Variants in ZCCHC7 observed in about 807,000 individuals in gnomAD.
ZCCHC7 encodes the protein zinc finger CCHC-type containing 7.
Under a neutral mutation model 52.0 loss-of-function variants are expected in ZCCHC7, and 35 were observed. The observed-to-expected ratio is 0.67, with a 90% CI of 0.51 to 0.89. The LOEUF (loss-of-function observed/expected upper bound fraction) is 0.89. Ranked by LOEUF, ZCCHC7 falls within the 40% of genes least tolerant of loss-of-function variation. ZCCHC7 has a pLI of 0.00. For missense variants in ZCCHC7, 574 were observed against 649.1 expected (o/e 0.88, Z 1.26); for synonymous variants, 217 against 221.5 (o/e 0.98, Z 0.18).
chr9:37,341,011 C>A (rs1325853393), intron 6 of ZCCHC7, among the ~76,000 whole-genome samples: 3 of 152,136 alleles, frequency 2.0e-5, no homozygotes, highest in African/African-American at 7.2e-5. Flanking sequence ...TGAACATCCA[C>A]ATGTTTACAT....
chr9:37,138,006 C>T (rs1317747565), intron 2 of ZCCHC7, among the ~76,000 whole-genome samples: 1 of 152,096 alleles, frequency 6.6e-6, no homozygotes, highest in South Asian at 2.1e-4. Context: ...TGCTAGAATT[C>T]CAGTCACCAG....
chr9:37,275,894 G>A (rs368837116), intron 2 of ZCCHC7, among the ~76,000 whole-genome samples: 3 of 152,058 alleles, frequency 2.0e-5, no homozygotes, highest in African/African-American at 4.8e-5. Context: ...CAGGTGATCC[G>A]CCTGCCTCAG....
chr9:37,343,613 C>T (rs1820772521), intron 6 of ZCCHC7, among the ~76,000 whole-genome samples: 1 of 152,154 alleles, frequency 6.6e-6, no homozygotes, highest in South Asian at 2.1e-4. Flanking sequence ...CGGAAAAATT[C>T]CATGAAACTT....
intron 2 of ZCCHC7, among the ~76,000 whole-genome samples, chr9:37,300,290 A>G (rs188823878): frequency 1.4e-4 from 21 of 152,370 alleles, no homozygotes; most frequent in Non-Finnish European, 2.6e-4. Flanking sequence ...TATAGTTAAC[A>G]TAATTTCAAG....
At chr9:37,265,651 C>T (rs1377609565) in intron 2 of ZCCHC7, among the ~76,000 whole-genome samples, 2 of 152,204 alleles carry the variant, frequency 1.3e-5, no homozygotes, top group Admixed American at 6.5e-5. Context: ...CATAATCTGT[C>T]ATCTCGTTGC....
chr9:37,145,849 G>A (rs1843408630), intron 2 of ZCCHC7, among the ~76,000 whole-genome samples: 1 of 151,874 alleles, frequency 6.6e-6, no homozygotes, highest in South Asian at 2.1e-4. Context: ...TGGAGATGCT[G>A]ATCTGTTAAA....
At chr9:37,228,240 T>C (rs2133297564) in intron 2 of ZCCHC7, among the ~76,000 whole-genome samples, 1 of 152,288 alleles carries the variant, frequency 6.6e-6, no homozygotes, top group African/African-American at 2.4e-5. Context: ...GAAATTTTAT[T>C]ATGAAAAAGC....
chr9:37,124,110 T>C (rs1220108904), intron 1 of ZCCHC7, among the ~76,000 whole-genome samples: 1 of 152,180 alleles, frequency 6.6e-6, no homozygotes, highest in East Asian at 1.9e-4. Context: ...GGGCAGAAAT[T>C]TGGGACACTA....
At chr9:37,340,319 A>G (rs1307431992) in intron 6 of ZCCHC7, among the ~76,000 whole-genome samples, 1 of 152,016 alleles carries the variant, frequency 6.6e-6, no homozygotes, top group Non-Finnish European at 1.5e-5. Flanking sequence ...AGGTAATGCT[A>G]TCTACCAGGT....
At position 37,126,706 on chromosome 9, in the gene ZCCHC7, C is replaced by G; in HGVS notation, c.374C>G (p.Ser125Cys). The part of the protein sequence containing the change: ...NAHGLSSSLQ[S>C]NELVDKKCKS... ...CATGGTCTTTCTTCTTCTCTTCAAT[C>G]TAATGAGCTGGTTGATAAGAAATGC... The change falls in exon 2 of 9, where the codon TCT becomes TGT. Residue 125 changes from serine (S) to cysteine (C), a missense_variant. Transcript: ENST00000336755. 6.2e-7 allele frequency: 1 copy of G among 1,614,090 alleles called. No homozygotes were observed. Among genetic ancestry groups the G allele is most frequent in the Non-Finnish European group, 8.5e-7 (1 of 1,180,024 alleles).
intron 2 of ZCCHC7, among the ~76,000 whole-genome samples, chr9:37,257,556 G>C (rs1826649722): frequency 6.6e-6 from 1 of 151,962 alleles, no homozygotes; most frequent in Non-Finnish European, 1.5e-5. Context: ...TCGGAAAATA[G>C]ATTTTTCATA....
At chr9:37,269,269 T>C (rs1275870592) in intron 2 of ZCCHC7, among the ~76,000 whole-genome samples, 1 of 152,142 alleles carries the variant, frequency 6.6e-6, no homozygotes, top group South Asian at 2.1e-4. Context: ...ATGAAGTATA[T>C]GAAGCAGGGG....
intron 5 of ZCCHC7, among the ~76,000 whole-genome samples, chr9:37,306,834 C>T (rs372628362): frequency 3.4e-4 from 39 of 114,170 alleles, no homozygotes; most frequent in Middle Eastern, 7.6e-3. Flanking sequence ...GTCACGGTGG[C>T]TAGAGTGCAG....
intron 2 of ZCCHC7, among the ~76,000 whole-genome samples, chr9:37,190,724 A>G (rs1040821039): frequency 2.6e-5 from 4 of 152,242 alleles, no homozygotes; most frequent in South Asian, 4.1e-4. Flanking sequence ...TTGTTTAAGA[A>G]TACATGCATT....
chr9:37,272,145 C>T (rs1827447945), intron 2 of ZCCHC7, among the ~76,000 whole-genome samples: 1 of 152,030 alleles, frequency 6.6e-6, no homozygotes, highest in African/African-American at 2.4e-5. Context: ...TCTACTATAC[C>T]TTTTTGTATC....
rs141507933 is a variant in ZCCHC7, at chr9:37,148,022, A to T, written c.610+21080A>T. Among the ~76,000 whole-genome samples, 3 of 152,200 alleles carry T rather than the reference A, an allele frequency of 2.0e-5. No individual in the cohort carries two copies. The East Asian group carries it at 5.8e-4, about 29-fold the overall frequency. Reference sequence around the variant, plus strand: ...ATTGTTTTTTCATGTTGAGGAAGAAAAAAGAATCTATACTTGCATCTGTCA... The same window carrying T: ...ATTGTTTTTTCATGTTGAGGAAGAATAAAGAATCTATACTTGCATCTGTCA... On this transcript the variant is annotated intron_variant, in intron 2 of 8. Transcript: ENST00000336755.
At chr9:37,319,146 C>G (rs1829951791) in intron 5 of ZCCHC7, among the ~76,000 whole-genome samples, 1 of 144,578 alleles carries the variant, frequency 6.9e-6, no homozygotes, top group African/African-American at 2.6e-5. Context: ...TGTTGAATAT[C>G]CTTTCATGCA....
At chr9:37,313,279 G>A (rs1829672736) in intron 5 of ZCCHC7, among the ~76,000 whole-genome samples, 1 of 151,482 alleles carries the variant, frequency 6.6e-6, no homozygotes, top group Non-Finnish European at 1.5e-5. Flanking sequence ...TTAACTGAGA[G>A]ATCAGACTAC....
intron 5 of ZCCHC7, among the ~76,000 whole-genome samples, chr9:37,324,538 A>G (rs1435070568): frequency 2.6e-5 from 4 of 152,202 alleles, no homozygotes; most frequent in Admixed American, 2.0e-4. Flanking sequence ...GTGATTGTGA[A>G]CATATTTCCT....
Sources: gnomAD v4.1 joint callset for allele counts (sites outside exome capture counted in the v4.1 genomes callset) on GRCh38, gnomAD v4.1.1 for gene constraint, MANE v1.5 for transcripts, NCBI Gene and HGNC (gene_info 2026-07-23, HGNC 2026-07-21) for gene names.